The following TBC1D4 variants were observed in gnomAD, a reference collection of about 807,000 sequenced individuals.
TBC1D4 encodes the protein TBC1 domain family member 4.
In TBC1D4, 121 loss-of-function variants were observed where a neutral mutation model predicts 142.5. The observed-to-expected ratio is 0.85, with a 90% confidence interval of 0.73 to 0.99. The LOEUF (loss-of-function observed/expected upper bound fraction) is 0.99. Among genes scored for constraint, TBC1D4 ranks in the 50% least tolerant of loss-of-function variants. The pLI is 0.00. For synonymous variants in TBC1D4, 630 were observed against 628.2 expected (o/e 1.00, Z -0.04); for missense variants, 1,475 against 1,606.6 (o/e 0.92, Z 1.40).
At chr13:75,467,484 T>C (rs1888214161) in intron 1 of TBC1D4, among the ~76,000 whole-genome samples, 1 of 152,200 alleles carries the variant, frequency 6.6e-6, no homozygotes, top group South Asian at 2.1e-4. Context: ...AACTTATTAC[T>C]GTATGAGACT....
intron 1 of TBC1D4, among the ~76,000 whole-genome samples, chr13:75,384,086 A>T (rs1566446817): frequency 1.3e-5 from 1 of 77,818 alleles, no homozygotes; most frequent in Non-Finnish European, 3.0e-5. Flanking sequence ...CCTAAAACTT[A>T]AAGTATAATA....
chr13:75,374,682 A>G (rs1450180910), intron 1 of TBC1D4, among the ~76,000 whole-genome samples: 1 of 152,162 alleles, frequency 6.6e-6, no homozygotes, highest in Non-Finnish European at 1.5e-5. Context: ...AAACTCCCAA[A>G]CAAAGGATTT....
intron 14 of TBC1D4, among the ~76,000 whole-genome samples, chr13:75,308,943 A>C (rs1160616471): frequency 6.6e-6 from 1 of 152,200 alleles, no homozygotes; most frequent in African/African-American, 2.4e-5. Context: ...AATTAAATTG[A>C]ATCATAGGTG....
chr13:75,447,500 A>ATGTGTGTGTGTG (rs35775136), intron 1 of TBC1D4, among the ~76,000 whole-genome samples: 145 of 145,342 alleles, frequency 1.0e-3, no homozygotes, highest in African/African-American at 2.7e-3. Flanking sequence ...CATAGTGTGA[A>ATGTGTGTGTGTG]TGTGTGTGTG....
intron 1 of TBC1D4, among the ~76,000 whole-genome samples, chr13:75,413,817 G>T (rs1477256928): frequency 6.6e-6 from 1 of 151,988 alleles, no homozygotes; most frequent in African/African-American, 2.4e-5. Context: ...TTAACCACAG[G>T]TGTTTGCATT....
intron 1 of TBC1D4, among the ~76,000 whole-genome samples, chr13:75,416,187 A>G (rs1885908160): frequency 1.3e-5 from 2 of 152,236 alleles, no homozygotes; most frequent in Non-Finnish European, 2.9e-5. Context: ...ATAAAAAGCA[A>G]CACTGGTTCA....
At chr13:75,303,246 G>C (rs1302317519) in intron 15 of TBC1D4, among the ~76,000 whole-genome samples, 1 of 152,012 alleles carries the variant, frequency 6.6e-6, no homozygotes, top group African/African-American at 2.4e-5. Flanking sequence ...GAACCTGGGG[G>C]ACACAGGTTG....
chr13:75,397,705 G>T (rs1339720903), intron 1 of TBC1D4, among the ~76,000 whole-genome samples: 1 of 152,102 alleles, frequency 6.6e-6, no homozygotes, highest in Non-Finnish European at 1.5e-5. Flanking sequence ...AATGAAGCAT[G>T]ACCTTTCCCA....
Position 75,368,997 on chromosome 13 carries a change from T to C in TBC1D4, c.499-6390A>G, listed in dbSNP as rs374814862. On this transcript the variant is annotated intron_variant, in intron 1 of 20. Transcript: ENST00000377636. Reference sequence around the variant, plus strand: ...AGGCAGAGGTTGCAGTGAGCAGAGATTGCACCACTGCACTCCAGCCTGAGC... The same window carrying C: ...AGGCAGAGGTTGCAGTGAGCAGAGACTGCACCACTGCACTCCAGCCTGAGC... 4.6e-5 allele frequency among the ~76,000 whole-genome samples: 7 copies of C among 151,672 alleles called. No individual in the cohort carries two copies. The East Asian group carries it at 1.2e-3, about 25-fold the overall frequency.
intron 1 of TBC1D4, among the ~76,000 whole-genome samples, chr13:75,425,498 T>C (rs1435424601): frequency 6.6e-6 from 1 of 152,170 alleles, no homozygotes. Flanking sequence ...ATCAGTATGT[T>C]GAAAAGGTAT....
chr13:75,445,627 T>C lies in TBC1D4; in HGVS notation c.498+35643A>G, dbSNP rs1043783514. On this transcript the variant is annotated intron_variant, in intron 1 of 20. Coordinates refer to ENST00000377636, the MANE Select transcript of TBC1D4 (RefSeq NM_014832.5). ...CAGTGGTAATACTAGTTTCATCTAATTTGTTATCTGTTACTGGTATAAAAG... is the reference window on the plus strand; with the variant it reads ...CAGTGGTAATACTAGTTTCATCTAACTTGTTATCTGTTACTGGTATAAAAG... 3.3e-5 allele frequency among the ~76,000 whole-genome samples: 5 copies of C among 152,218 alleles called. No homozygotes were observed. The East Asian group carries it at 9.6e-4, about 29-fold the overall frequency.
At chr13:75,306,585 T>G in intron 14 of TBC1D4, 114 bp from the exon 15 acceptor site, 2 of 1,267,506 alleles carry the variant, frequency 1.6e-6, no homozygotes, top group Non-Finnish European at 2.2e-6. Context: ...CAACTGGTAG[T>G]GTATCTCAAA....
At chr13:75,477,756 A>G (rs73539575) in intron 1 of TBC1D4, among the ~76,000 whole-genome samples, 5,857 of 152,276 alleles carry the variant, frequency 0.038, 372 homozygotes, top group African/African-American at 0.13. Flanking sequence ...AGAGAATCAG[A>G]TATTCTTGTT....
rs764721667 is a variant in TBC1D4 at position 75,299,350 on chromosome 13, G to A, written c.3136C>T (p.Pro1046Ser). 1.9e-6 allele frequency: 3 copies of A among 1,614,006 alleles called. No individual in the cohort carries two copies. Among genetic ancestry groups the A allele is most frequent in the Non-Finnish European group, 2.5e-6 (3 of 1,180,026 alleles). Residue 1046 changes from proline to serine, a missense_variant, in exon 17 of 21, where the codon CCT (proline) becomes TCT (serine). This residue lies in a region of TBC1D4 where 248 missense variants were observed against 338.9 expected (regional missense o/e 0.73). Coordinates refer to ENST00000377636, the MANE Select transcript of TBC1D4 (RefSeq NM_014832.5). Reference sequence around the variant, plus strand: ...CTCACCTGCAGCGACATCATGTCAGGTCTGTACTGCTTGCGGAAGCCGAGG... The same window carrying A: ...CTCACCTGCAGCGACATCATGTCAGATCTGTACTGCTTGCGGAAGCCGAGG... Reference protein sequence around the residue: ...YDLGFRKQYRPDMMSLQIQMY... With the variant: ...YDLGFRKQYRSDMMSLQIQMY...
chr13:75,340,430 A>G (rs1221378080), intron 7 of TBC1D4, among the ~76,000 whole-genome samples: 1 of 152,204 alleles, frequency 6.6e-6, no homozygotes, highest in Non-Finnish European at 1.5e-5. Context: ...TTTACATGAT[A>G]TTACTGCTGT....
intron 3 of TBC1D4, 40 bp from the exon 4 acceptor site, chr13:75,356,291 A>G: frequency 7.3e-7 from 1 of 1,374,486 alleles, no homozygotes; most frequent in Non-Finnish European, 1.0e-6. Flanking sequence ...ATGTATGGGA[A>G]TATATATTTT....
Position 75,299,573 on chromosome 13 carries a change from T to A in TBC1D4, c.2913A>T (p.Gly971=), listed in dbSNP as rs184774790. Residue 971 remains glycine, a splice_region_variant and synonymous_variant, in exon 17 of 21, where the codon GGA becomes GGT. Transcript: ENST00000377636. Reference sequence around the variant, plus strand: ...AGTAAGGGTGAGTAGGAAACGTCCTTCCTGCAGAGGAAAAGAAGGAAAATA... The same window carrying A: ...AGTAAGGGTGAGTAGGAAACGTCCTACCTGCAGAGGAAAAGAAGGAAAATA... ...AQQHAILVDL[G]RTFPTHPYFS... 2.8e-4 allele frequency: 452 copies of A among 1,614,066 alleles called. No homozygotes were observed. Among genetic ancestry groups the A allele is most frequent in the Admixed American group, 6.3e-4 (38 of 60,024 alleles).
intron 1 of TBC1D4, among the ~76,000 whole-genome samples, chr13:75,425,115 T>A (rs1244576416): frequency 8.1e-6 from 1 of 123,356 alleles, no homozygotes; most frequent in Non-Finnish European, 1.7e-5. Flanking sequence ...AAGGGGTTAA[T>A]ATCCCAAATA....
intron 1 of TBC1D4, among the ~76,000 whole-genome samples, chr13:75,418,026 T>C (rs1885995485): frequency 6.6e-6 from 1 of 152,244 alleles, no homozygotes; most frequent in South Asian, 2.1e-4. Flanking sequence ...ACTATCTGGA[T>C]ATGCTAACTA....
Sources: gnomAD v4.1 joint callset for allele counts (sites outside exome capture counted in the v4.1 genomes callset) on GRCh38, gnomAD v4.1.1 for gene constraint, gnomAD v4.1.1 regional missense constraint, MANE v1.5 for transcripts, NCBI Gene and HGNC (gene_info 2026-07-23, HGNC 2026-07-21) for gene names.